FAAH2: variants seen among roughly 807,000 people sequenced by gnomAD.
The protein encoded by FAAH2 is fatty-acid amide hydrolase 2.
Under a neutral mutation model 36.9 loss-of-function variants are expected in FAAH2, and 60 were observed. The observed-to-expected ratio is 1.63, with a 90% CI of 1.32 to 2.02. The LOEUF (loss-of-function observed/expected upper bound fraction) is 2.02. Ranked by LOEUF, FAAH2 falls within the 30% of genes most tolerant of loss-of-function variation. The probability of loss-of-function intolerance (pLI) is 0.00; values close to 1 mark genes in which losing one functional copy is unlikely to be tolerated. For missense variants in FAAH2, 689 were observed against 397.5 expected, an observed-to-expected ratio of 1.73 and a Z score of -6.23; for synonymous variants, 214 against 143.8, an observed-to-expected ratio of 1.49 and a Z score of -3.49.
the FAAH2 span, among the ~76,000 whole-genome samples, chrX:57,207,294 G>A: frequency 9.0e-6 from 1 of 111,083 alleles, no homozygotes; most frequent in Non-Finnish European, 1.9e-5. Flanking sequence ...TGTCCATCAG[G>A]CCCTTCACAA....
At chrX:57,178,319 GT>G in the FAAH2 span, among the ~76,000 whole-genome samples, 1 of 112,089 alleles carries the variant, frequency 8.9e-6, no homozygotes, top group Admixed American at 9.4e-5. Flanking sequence ...TGCACAAAAA[GT>G]TTTCTTTTTC....
rs79486782 is a variant in FAAH2, at chrX:57,352,069, C to CAT, written c.742+10688_742+10689dup. Among the ~76,000 whole-genome samples the CAT allele has an allele frequency of 2.7e-3, 43 of 15,784 alleles. 3 individuals carry two copies. The highest frequency in any genetic ancestry group is 6.4e-3 in the African/African-American group (23 of 3,605). 13.7% of individuals were successfully genotyped at this position (15,784 alleles called of 115,157 possible). A position where few individuals can be genotyped will look rare whatever the true frequency, so the allele number is the denominator to read the frequency against. ...ATATGTGTATATATATATATATACACATATATATATGTGTATATATATGCA... is the reference window on the plus strand; with the variant it reads ...ATATGTGTATATATATATATATACACATATATATATATGTGTATATATATGCA... On this transcript the variant is annotated intron_variant, in intron 5 of 10. Transcript: ENST00000374900.
intron 10 of FAAH2, among the ~76,000 whole-genome samples, chrX:57,482,709 A>ATTTT (rs368783162): frequency 3.1e-5 from 2 of 63,889 alleles, no homozygotes; most frequent in Non-Finnish European, 5.8e-5. Context: ...CATTCCCTCA[A>ATTTT]TTTTTTTTTT....
chrX:57,416,586 G>A (rs2055849703), intron 7 of FAAH2, among the ~76,000 whole-genome samples: 1 of 112,066 alleles, frequency 8.9e-6, no homozygotes, highest in South Asian at 3.7e-4. Flanking sequence ...CAGGGTTTCT[G>A]CAGAGTTCTG....
the FAAH2 span, among the ~76,000 whole-genome samples, chrX:57,129,818 TAGTC>T: frequency 1.8e-5 from 2 of 112,024 alleles, no homozygotes; most frequent in South Asian, 3.7e-4. Context: ...GGATCAAACA[TAGTC>T]AGTCAGTGGC....
intron 4 of FAAH2, among the ~76,000 whole-genome samples, chrX:57,336,344 T>G (rs1319555238): frequency 9.0e-6 from 1 of 110,865 alleles, no homozygotes; most frequent in Admixed American, 9.6e-5. Context: ...CCTATCTCCC[T>G]TCATTGACTC....
intron 10 of FAAH2, among the ~76,000 whole-genome samples, chrX:57,485,372 G>A (rs1169495644): frequency 9.0e-6 from 1 of 111,257 alleles, no homozygotes; most frequent in Non-Finnish European, 1.9e-5. Context: ...AGCAGGGGCA[G>A]GGGAAGGTGC....
Position 57,320,543 on chromosome X carries a change from A to T in FAAH2, c.412+9814A>T, listed in dbSNP as rs1314770759. ...AACAGATGCTGGAGAGGATGTGGAGAAATAAAAATGCTTTTACATTGTTGG... is the reference window on the plus strand; with the variant it reads ...AACAGATGCTGGAGAGGATGTGGAGTAATAAAAATGCTTTTACATTGTTGG... On this transcript the variant is annotated intron_variant, in intron 3 of 10. Transcript: ENST00000374900. Among the ~76,000 whole-genome samples, 3 of 112,267 alleles carry T rather than the reference A, an allele frequency of 2.7e-5. No homozygotes were observed. In the East Asian group the frequency reaches 8.3e-4, roughly 31 times the overall value.
chrX:57,229,612 G>A, the FAAH2 span, among the ~76,000 whole-genome samples: 1 of 111,585 alleles, frequency 9.0e-6, no homozygotes, highest in Non-Finnish European at 1.9e-5. Flanking sequence ...TGGAAGCCCT[G>A]GTACTGCATG....
At chrX:57,421,359 G>A (rs4826551) in intron 7 of FAAH2, among the ~76,000 whole-genome samples, 59,681 of 111,147 alleles carry the variant, frequency 0.54, 13,847 homozygotes, top group Non-Finnish European at 0.73. Flanking sequence ...GGGTGAGACC[G>A]GAGAGTTGCT....
chrX:57,276,613 C>CA, the FAAH2 span, among the ~76,000 whole-genome samples: 40 of 110,491 alleles, frequency 3.6e-4, no homozygotes, highest in Non-Finnish European at 5.7e-4. Context: ...AAAAACCCTT[C>CA]AAAAAAATCA....
chrX:57,457,541 A>T (rs1246546868), intron 10 of FAAH2, among the ~76,000 whole-genome samples: 1 of 110,848 alleles, frequency 9.0e-6, no homozygotes, highest in Non-Finnish European at 1.9e-5. Flanking sequence ...CAATACCTAG[A>T]AAACCCTAAA....
the FAAH2 span, among the ~76,000 whole-genome samples, chrX:57,213,258 G>C: frequency 9.0e-6 from 1 of 110,846 alleles, no homozygotes; most frequent in African/African-American, 3.3e-5. Flanking sequence ...TATCAATTTG[G>C]TTTATCATTT....
At chrX:57,450,228 G>A (rs2056759603) in intron 10 of FAAH2, among the ~76,000 whole-genome samples, 1 of 109,305 alleles carries the variant, frequency 9.1e-6, no homozygotes, top group Non-Finnish European at 1.9e-5. Context: ...TAGGTAATAT[G>A]GATACAAGAC....
At chrX:57,274,327 G>T in the FAAH2 span, among the ~76,000 whole-genome samples, 13 of 111,793 alleles carry the variant, frequency 1.2e-4, no homozygotes, top group African/African-American at 4.2e-4. Context: ...TTCTACCAGA[G>T]GAACAAAGAG....
rs1413129499 is a variant in FAAH2, at chrX:57,352,580, T to C, written c.742+11190T>C. Among the ~76,000 whole-genome samples, 3 of 110,809 alleles carry C rather than the reference T, an allele frequency of 2.7e-5. No individual in the cohort carries two copies. In the East Asian group the frequency reaches 8.5e-4, roughly 32 times the overall value. ...AAGCGAGAATACCCATGTTTGCTACTTTTCAATGTAGTACTGGAAGTGATA... is the reference window on the plus strand; with the variant it reads ...AAGCGAGAATACCCATGTTTGCTACCTTTCAATGTAGTACTGGAAGTGATA... On this transcript the variant is annotated intron_variant, in intron 5 of 10. Transcript: ENST00000374900.
intron 5 of FAAH2, among the ~76,000 whole-genome samples, chrX:57,369,347 G>A (rs1055961240): frequency 2.7e-5 from 3 of 111,103 alleles, no homozygotes; most frequent in African/African-American, 9.8e-5. Context: ...CCAAATTTTG[G>A]AAGAGATGTG....
At chrX:57,350,185 T>C (rs754725793) in intron 5 of FAAH2, among the ~76,000 whole-genome samples, 47 of 111,175 alleles carry the variant, frequency 4.2e-4, no homozygotes, top group Non-Finnish European at 8.7e-4. Flanking sequence ...GAAGTATAAA[T>C]AAAGTCTTTC....
At chrX:57,137,016 G>A in the FAAH2 span, 2 of 843,406 alleles carry the variant, frequency 2.4e-6, no homozygotes, top group Non-Finnish European at 2.9e-6. Context: ...CCACTTCCCT[G>A]TTACCTACCT....
Sources: gnomAD v4.1 joint callset for allele counts (sites outside exome capture counted in the v4.1 genomes callset) on GRCh38, gnomAD v4.1.1 for gene constraint, MANE v1.5 for transcripts, NCBI Gene and HGNC (gene_info 2026-07-23, HGNC 2026-07-21) for gene names.